The following KCNJ6 variants were observed in gnomAD, a reference collection of about 807,000 sequenced individuals.
The protein encoded by KCNJ6 is potassium inwardly rectifying channel subfamily J member 6.
A neutral mutation model predicts 34.2 loss-of-function variants in KCNJ6; 9 were observed. The ratio of observed to expected loss-of-function variants is 0.26; its 90% confidence interval spans 0.16 to 0.46. The LOEUF (loss-of-function observed/expected upper bound fraction) is 0.46. KCNJ6 is among the 20% of genes least tolerant of loss of function. The probability of loss-of-function intolerance (pLI) is 1.00; values close to 1 mark genes in which losing one functional copy is unlikely to be tolerated. For synonymous variants in KCNJ6, 196 were observed against 207.1 expected, an observed-to-expected ratio of 0.95 and a Z score of 0.46; for missense variants, 236 against 531.3, an observed-to-expected ratio of 0.44 and a Z score of 5.46.
At chr21:37,707,434 A>G (rs2054726010) in intron 3 of KCNJ6, among the ~76,000 whole-genome samples, 1 of 152,206 alleles carries the variant, frequency 6.6e-6, no homozygotes, top group African/African-American at 2.4e-5. Context: ...AGTAGGTACC[A>G]TTATTGTTCC....
At chr21:37,631,118 A>G (rs1167604608) in intron 3 of KCNJ6, among the ~76,000 whole-genome samples, 1 of 152,114 alleles carries the variant, frequency 6.6e-6, no homozygotes, top group Non-Finnish European at 1.5e-5. Context: ...CTGAGGATCT[A>G]TTGGTCTTAT....
At chr21:37,849,356 T>C (rs2055526237) in intron 1 of KCNJ6, among the ~76,000 whole-genome samples, 1 of 152,148 alleles carries the variant, frequency 6.6e-6, no homozygotes, top group Non-Finnish European at 1.5e-5. Context: ...CTTCCAGACA[T>C]CCTAAGCCTT....
intron 1 of KCNJ6, among the ~76,000 whole-genome samples, chr21:37,897,913 G>A (rs977597478): frequency 2.7e-4 from 41 of 152,228 alleles, no homozygotes; most frequent in African/African-American, 9.6e-4. Flanking sequence ...TGCTACGGGA[G>A]TAAAAATTAA....
chr21:37,822,750 G>A (rs148777002), intron 2 of KCNJ6, among the ~76,000 whole-genome samples: 13 of 152,244 alleles, frequency 8.5e-5, no homozygotes, highest in African/African-American at 4.8e-5. Flanking sequence ...CAGGTTCACT[G>A]AGGAAAAGAA....
chr21:37,907,342 AT>A (rs542837018), intron 1 of KCNJ6, among the ~76,000 whole-genome samples: 4 of 150,830 alleles, frequency 2.7e-5, no homozygotes, highest in Admixed American at 6.6e-5. Flanking sequence ...AATGTGATTC[AT>A]TTTTTTTATA....
At chr21:37,808,312 G>C (rs754510044) in intron 2 of KCNJ6, among the ~76,000 whole-genome samples, 3 of 152,210 alleles carry the variant, frequency 2.0e-5, no homozygotes, top group Non-Finnish European at 4.4e-5. Flanking sequence ...TATCAAGTTA[G>C]CTTTGCCATA....
chr21:37,776,690 G>T (rs1051852158), intron 2 of KCNJ6, among the ~76,000 whole-genome samples: 1 of 152,194 alleles, frequency 6.6e-6, no homozygotes, highest in African/African-American at 2.4e-5. Context: ...GCATCCCAGG[G>T]ATGAAGCCCA....
At chr21:37,762,919 G>T (rs1003303566) in intron 2 of KCNJ6, among the ~76,000 whole-genome samples, 1 of 152,160 alleles carries the variant, frequency 6.6e-6, no homozygotes, top group African/African-American at 2.4e-5. Flanking sequence ...AAGAATCAGC[G>T]ACTGAGAATA....
chr21:37,682,238 G>A (rs2054593774), intron 3 of KCNJ6, among the ~76,000 whole-genome samples: 1 of 152,162 alleles, frequency 6.6e-6, no homozygotes, highest in South Asian at 2.1e-4. Context: ...CCTCAGGGCT[G>A]TGCATACTCT....
intron 3 of KCNJ6, among the ~76,000 whole-genome samples, chr21:37,683,169 G>A (rs1048617069): frequency 6.6e-6 from 1 of 152,166 alleles, no homozygotes; most frequent in Non-Finnish European, 1.5e-5. Context: ...TATTCCCAGA[G>A]GGAGGAAATT....
chr21:37,747,544 A>T (rs2054973437), intron 2 of KCNJ6, among the ~76,000 whole-genome samples: 1 of 152,222 alleles, frequency 6.6e-6, no homozygotes, highest in African/African-American at 2.4e-5. Context: ...TAAGGTTGCT[A>T]ATCAGCTGAC....
At chr21:37,745,830 C>T (rs1408813905) in intron 2 of KCNJ6, among the ~76,000 whole-genome samples, 2 of 152,202 alleles carry the variant, frequency 1.3e-5, no homozygotes, top group Non-Finnish European at 1.5e-5. Flanking sequence ...GGAGCACACA[C>T]GTCCCACTAG....
At chr21:37,662,262 AT>A (rs1472286980) in intron 3 of KCNJ6, among the ~76,000 whole-genome samples, 2 of 151,914 alleles carry the variant, frequency 1.3e-5, no homozygotes, top group Non-Finnish European at 2.9e-5. Flanking sequence ...CCCCATCCCC[AT>A]CCCTGACAGG....
intron 1 of KCNJ6, among the ~76,000 whole-genome samples, chr21:37,905,463 T>A (rs1295542252): frequency 6.6e-6 from 1 of 152,182 alleles, no homozygotes; most frequent in Non-Finnish European, 1.5e-5. Flanking sequence ...TATATATATG[T>A]AATGGCAAAA....
intron 1 of KCNJ6, among the ~76,000 whole-genome samples, chr21:37,854,771 A>G (rs1424288783): frequency 4.6e-5 from 7 of 152,268 alleles, no homozygotes; most frequent in Admixed American, 2.0e-4. Flanking sequence ...ATGAACAACC[A>G]TTAAGTACCA....
At chr21:37,892,435 G>T (rs1222178731) in intron 1 of KCNJ6, among the ~76,000 whole-genome samples, 1 of 152,206 alleles carries the variant, frequency 6.6e-6, no homozygotes, top group Non-Finnish European at 1.5e-5. Context: ...CAGGTTTAAT[G>T]ACTGTTAGTA....
chr21:37,649,462 G>A (rs571304810), intron 3 of KCNJ6, among the ~76,000 whole-genome samples: 4 of 151,988 alleles, frequency 2.6e-5, no homozygotes, highest in African/African-American at 7.2e-5. Flanking sequence ...TTTTTAAGTC[G>A]AAAAAGCTCT....
intron 2 of KCNJ6, among the ~76,000 whole-genome samples, chr21:37,730,371 A>G (rs998871343): frequency 2.0e-5 from 3 of 152,160 alleles, no homozygotes; most frequent in Admixed American, 6.5e-5. Flanking sequence ...CCCAACTCCA[A>G]TCTGCAAGTA....
At position 37,616,102 on chromosome 21, in the gene KCNJ6, A is replaced by G. The variant is rs1020998354; in HGVS notation, c.*9057T>C. On this transcript the variant is annotated 3_prime_UTR_variant, in exon 4 of 4. Coordinates refer to ENST00000609713, the MANE Select transcript of KCNJ6 (RefSeq NM_002240.5). ...AGCAGCCCTAGGGAGCCTCCGCCCC[A>G]TGGGGCCTCTGCCAGGTCTCCTCGA... 3 of 152,198 alleles carry G rather than the reference A, an allele frequency of 2.0e-5. No homozygotes were observed. The highest frequency in any genetic ancestry group is 4.4e-5 in the Non-Finnish European group (3 of 68,066). 9.4% of individuals were successfully genotyped at this position (152,198 alleles called of 1,614,324 possible).
Sources: allele counts gnomAD v4.1 joint callset (sites outside exome capture counted in the v4.1 genomes callset), GRCh38; gene constraint gnomAD v4.1.1; transcripts MANE v1.5; gene names NCBI Gene and HGNC (gene_info 2026-07-23, HGNC 2026-07-21).